SLIT3: variants seen among roughly 807,000 people sequenced by gnomAD.
SLIT3 encodes the protein slit homolog 3 protein.
A neutral mutation model predicts 184.0 loss-of-function variants in SLIT3; 68 were observed. The ratio of observed to expected loss-of-function variants is 0.37; its 90% CI spans 0.30 to 0.45. The LOEUF (loss-of-function observed/expected upper bound fraction) is 0.45, where lower values mean the gene tolerates loss of function less well. Ranked by LOEUF, SLIT3 falls within the 20% of genes least tolerant of loss-of-function variation. The pLI is 1.00. For synonymous variants in SLIT3, 831 were observed against 828.6 expected (o/e 1.00, Z -0.05); for missense variants, 1,707 against 2,026.0 (o/e 0.84, Z 3.02).
intron 3 of SLIT3, among the ~76,000 whole-genome samples, chr5:169,210,504 G>C (rs1222095955): frequency 1.3e-5 from 2 of 152,174 alleles, no homozygotes; most frequent in African/African-American, 4.8e-5. Context: ...AGAATGTACT[G>C]GCACTTGGAA....
intron 4 of SLIT3, among the ~76,000 whole-genome samples, chr5:168,980,314 T>C (rs1754905542): frequency 6.6e-6 from 1 of 152,106 alleles, no homozygotes; most frequent in Non-Finnish European, 1.5e-5. Flanking sequence ...GAATTAAAAA[T>C]GCATCCTTGC....
chr5:168,861,168 A>G (rs1172735090), intron 5 of SLIT3, among the ~76,000 whole-genome samples: 1 of 152,192 alleles, frequency 6.6e-6, no homozygotes, highest in Non-Finnish European at 1.5e-5. Context: ...CAGGTTTGTT[A>G]CATATGTATA....
intron 9 of SLIT3, among the ~76,000 whole-genome samples, chr5:168,804,885 C>T (rs1014663234): frequency 2.0e-4 from 31 of 152,244 alleles, no homozygotes; most frequent in African/African-American, 7.2e-4. Flanking sequence ...CCCCTGTTAC[C>T]ATCCCTTTTG....
chr5:168,834,649 T>C (rs1323828359), intron 6 of SLIT3, among the ~76,000 whole-genome samples: 1 of 120,768 alleles, frequency 8.3e-6, no homozygotes, highest in Non-Finnish European at 1.6e-5. Context: ...ATCATGCCAC[T>C]GCACTCCAGC....
chr5:168,900,443 C>T (rs1015320863), intron 4 of SLIT3, among the ~76,000 whole-genome samples: 1 of 152,128 alleles, frequency 6.6e-6, no homozygotes, highest in African/African-American at 2.4e-5. Context: ...GGTGAAAACT[C>T]ATCTCTACAA....
intron 4 of SLIT3, among the ~76,000 whole-genome samples, chr5:168,916,219 A>T (rs1220214388): frequency 1.3e-5 from 2 of 152,230 alleles, no homozygotes; most frequent in Non-Finnish European, 2.9e-5. Flanking sequence ...GGCTCTTTTT[A>T]GATGGAAAAT....
At chr5:169,177,444 C>A (rs1763019727) in intron 4 of SLIT3, among the ~76,000 whole-genome samples, 1 of 152,106 alleles carries the variant, frequency 6.6e-6, no homozygotes, top group African/African-American at 2.4e-5. Context: ...GAAATCAGCA[C>A]TTCTTGGGAG....
intron 4 of SLIT3, among the ~76,000 whole-genome samples, chr5:169,070,165 G>T (rs1458873913): frequency 6.6e-6 from 1 of 152,186 alleles, no homozygotes; most frequent in African/African-American, 2.4e-5. Context: ...TACAGAGAAA[G>T]GGGGACTCAG....
At chr5:169,224,199 G>A (rs1764715639) in intron 3 of SLIT3, among the ~76,000 whole-genome samples, 1 of 151,680 alleles carries the variant, frequency 6.6e-6, no homozygotes, top group South Asian at 2.1e-4. Context: ...ATAGAGTAAC[G>A]GTAAGAATTA....
At chr5:168,905,549 G>C (rs1761020834) in intron 4 of SLIT3, among the ~76,000 whole-genome samples, 1 of 152,200 alleles carries the variant, frequency 6.6e-6, no homozygotes, top group Non-Finnish European at 1.5e-5. Flanking sequence ...TCTGTACACA[G>C]ACTCGGAGAG....
At chr5:169,213,867 A>C (rs1764349559) in intron 3 of SLIT3, among the ~76,000 whole-genome samples, 1 of 152,232 alleles carries the variant, frequency 6.6e-6, no homozygotes, top group African/African-American at 2.4e-5. Flanking sequence ...TTCTAGAAAA[A>C]TGTGCATAAT....
chr5:168,913,531 G>A lies in SLIT3; in HGVS notation c.414-30195C>T, dbSNP rs1247383735. 3.3e-5 allele frequency among the ~76,000 whole-genome samples: 5 copies of A among 152,098 alleles called. No individual in the cohort carries two copies. The East Asian group carries it at 5.8e-4, about 18-fold the overall frequency. On this transcript the variant is annotated intron_variant, in intron 4 of 35. Transcript: ENST00000519560. ...GCCTGTAGTACCAGCACTTTGGGAGGCCGAGGCAGGTGGATCACGTAAGGT... is the reference window on the plus strand; with the variant it reads ...GCCTGTAGTACCAGCACTTTGGGAGACCGAGGCAGGTGGATCACGTAAGGT...
chr5:169,096,859 G>A (rs1388518827), intron 4 of SLIT3, among the ~76,000 whole-genome samples: 1 of 152,200 alleles, frequency 6.6e-6, no homozygotes, highest in Non-Finnish European at 1.5e-5. Context: ...GTGGAGCTGA[G>A]ATTCCTTCCC....
At chr5:168,984,523 T>G (rs1755059238) in intron 4 of SLIT3, among the ~76,000 whole-genome samples, 4 of 152,196 alleles carry the variant, frequency 2.6e-5, no homozygotes, top group Admixed American at 1.3e-4. Context: ...CCAAGCTGTC[T>G]GTATAAGACC....
intron 4 of SLIT3, among the ~76,000 whole-genome samples, chr5:169,053,406 C>CT (rs543308172): frequency 6.6e-6 from 1 of 152,120 alleles, no homozygotes; most frequent in Non-Finnish European, 1.5e-5. Context: ...ATGCAGTTGC[C>CT]TTTTTTTGTT....
intron 33 of SLIT3, 57 bp downstream of exon 33, chr5:168,673,120 G>T: frequency 6.4e-7 from 1 of 1,569,634 alleles, no homozygotes; most frequent in Non-Finnish European, 8.7e-7. Flanking sequence ...CTGGGTTTCT[G>T]TACTGGAGCA....
intron 4 of SLIT3, among the ~76,000 whole-genome samples, chr5:169,122,302 C>T (rs923619406): frequency 1.3e-5 from 2 of 152,154 alleles, no homozygotes; most frequent in African/African-American, 4.8e-5. Context: ...TATTTGGTTG[C>T]TCATAAAATG....
intron 4 of SLIT3, among the ~76,000 whole-genome samples, chr5:168,965,042 G>C (rs1390194886): frequency 6.6e-6 from 1 of 152,112 alleles, no homozygotes; most frequent in Non-Finnish European, 1.5e-5. Flanking sequence ...AAAGAGAGAG[G>C]GCCTCCTTAA....
At chr5:168,760,758 G>A (rs1401635342) in intron 16 of SLIT3, 104 bp downstream of exon 16, 1 of 822,778 alleles carries the variant, frequency 1.2e-6, no homozygotes, top group Non-Finnish European at 2.1e-6. Flanking sequence ...GGAGGGAGTG[G>A]AGCAGAGGCT....
Sources: allele counts gnomAD v4.1 joint callset (sites outside exome capture counted in the v4.1 genomes callset), GRCh38; gene constraint gnomAD v4.1.1; transcripts MANE v1.5; gene names NCBI Gene and HGNC (gene_info 2026-07-23, HGNC 2026-07-21).